KCNAB1: variants seen among roughly 807,000 people sequenced by gnomAD.
KCNAB1 encodes the protein voltage-gated potassium channel subunit beta-1.
In KCNAB1, 35 loss-of-function variants were observed where a neutral mutation model predicts 64.6. The observed-to-expected ratio is 0.54, with a 90% CI of 0.41 to 0.72. The LOEUF (loss-of-function observed/expected upper bound fraction) is 0.72. KCNAB1 is among the 30% of genes least tolerant of loss of function. The pLI is 0.00. For synonymous variants in KCNAB1, 177 were observed against 183.8 expected (o/e 0.96, Z 0.30); for missense variants, 401 against 512.9 (o/e 0.78, Z 2.11).
At chr3:156,531,590 T>A in intron 13 of KCNAB1, 93 bp downstream of exon 13, 1 of 949,850 alleles carries the variant, frequency 1.1e-6, no homozygotes, top group Non-Finnish European at 1.7e-6. Context: ...CTCTCTGTCC[T>A]GGGTGGGGCA....
intron 1 of KCNAB1, among the ~76,000 whole-genome samples, chr3:156,349,631 G>A (rs986242341): frequency 6.6e-6 from 1 of 152,042 alleles, no homozygotes; most frequent in African/African-American, 2.4e-5. Flanking sequence ...GCACCATCAC[G>A]CCTCACTACA....
In KCNAB1 at chr3:156,120,637, C is replaced by CG. The variant is rs766529751; in HGVS notation, c.30dup (p.Ser11GlufsTer33). On this transcript the variant is annotated frameshift_variant, in exon 1 of 14. Coordinates refer to ENST00000490337, the MANE Select transcript of KCNAB1 (RefSeq NM_172160.3). LOFTEE classifies it high-confidence loss of function. ...ATGCTGGCAGCCCGGACAGGGGCAG[C>CG]GGGGAGTCAGATCTCAGAGGAGAAC... 7.8e-5 allele frequency: 126 copies of CG among 1,614,046 alleles called. No individual in the cohort carries two copies. Among genetic ancestry groups the CG allele is most frequent in the Admixed American group, 3.5e-4 (21 of 60,006 alleles).
chr3:156,204,120 T>C (rs2108382954), intron 1 of KCNAB1, among the ~76,000 whole-genome samples: 1 of 152,378 alleles, frequency 6.6e-6, no homozygotes, highest in Middle Eastern at 3.4e-3. Context: ...CTATTGTTTA[T>C]TTAAGCTGTA....
At chr3:156,515,942 G>A (rs74392809) in intron 10 of KCNAB1, among the ~76,000 whole-genome samples, 11,419 of 152,268 alleles carry the variant, frequency 0.075, 543 homozygotes, top group Middle Eastern at 0.19. Flanking sequence ...TGTACCAGGT[G>A]TGTGCTCCTG....
chr3:156,325,612 A>C (rs1460643731), intron 1 of KCNAB1, among the ~76,000 whole-genome samples: 4 of 151,620 alleles, frequency 2.6e-5, no homozygotes, highest in Non-Finnish European at 5.9e-5. Flanking sequence ...AAAGAATGTA[A>C]GCGTTCAGCA....
At chr3:156,451,108 T>C (rs985814559) in intron 2 of KCNAB1, among the ~76,000 whole-genome samples, 15 of 152,194 alleles carry the variant, frequency 9.9e-5, no homozygotes, top group African/African-American at 3.6e-4. Context: ...GGACATCAGC[T>C]CTTTGCTGTC....
At chr3:156,454,327 T>C (rs976292779) in intron 3 of KCNAB1, among the ~76,000 whole-genome samples, 1 of 152,122 alleles carries the variant, frequency 6.6e-6, no homozygotes, top group Non-Finnish European at 1.5e-5. Flanking sequence ...TCTCCAAAGC[T>C]GAGATGGTTC....
chr3:156,199,160 A>G (rs1399430516), intron 1 of KCNAB1, among the ~76,000 whole-genome samples: 1 of 151,902 alleles, frequency 6.6e-6, no homozygotes, highest in Non-Finnish European at 1.5e-5. Flanking sequence ...CTCTCTTCTG[A>G]GTTGTAGAGC....
At chr3:156,150,960 G>T (rs558796565) in intron 1 of KCNAB1, among the ~76,000 whole-genome samples, 1 of 152,244 alleles carries the variant, frequency 6.6e-6, no homozygotes, top group Non-Finnish European at 1.5e-5. Context: ...AGCGTAGGGG[G>T]TTCTGAGCTA....
At chr3:156,125,385 C>T (rs534226869) in intron 1 of KCNAB1, among the ~76,000 whole-genome samples, 18 of 152,254 alleles carry the variant, frequency 1.2e-4, no homozygotes, top group Non-Finnish European at 2.4e-4. Flanking sequence ...TTATAAGAGA[C>T]CTTTGTGTGT....
chr3:156,291,527 C>T, intron 1 of KCNAB1: 1 of 1,091,610 alleles, frequency 9.2e-7, no homozygotes, highest in Non-Finnish European at 1.1e-6. Context: ...CCGCGAAGGG[C>T]TGCGTGCAGT....
chr3:156,305,425 C>T (rs1721432369), intron 1 of KCNAB1, among the ~76,000 whole-genome samples: 1 of 152,180 alleles, frequency 6.6e-6, no homozygotes, highest in Admixed American at 6.5e-5. Context: ...TCATAAGCTT[C>T]AAAGTCTTCT....
chr3:156,440,413 G>A (rs1465780917), intron 2 of KCNAB1, among the ~76,000 whole-genome samples: 1 of 152,210 alleles, frequency 6.6e-6, no homozygotes, highest in East Asian at 1.9e-4. Context: ...ATGGAAACTT[G>A]TCTTCAGGCC....
chr3:156,530,668 A>T (rs760332885), intron 12 of KCNAB1, among the ~76,000 whole-genome samples: 3 of 152,128 alleles, frequency 2.0e-5, no homozygotes, highest in Non-Finnish European at 4.4e-5. Context: ...GAAGCAGAAG[A>T]AGTGAGGGGT....
intron 1 of KCNAB1, among the ~76,000 whole-genome samples, chr3:156,330,194 A>T (rs936662408): frequency 2.6e-5 from 4 of 152,178 alleles, no homozygotes; most frequent in African/African-American, 9.7e-5. Context: ...TCTATGGCTT[A>T]TGATCAAATC....
chr3:156,248,037 C>T (rs1717571535), intron 1 of KCNAB1, among the ~76,000 whole-genome samples: 1 of 152,178 alleles, frequency 6.6e-6, no homozygotes, highest in African/African-American at 2.4e-5. Flanking sequence ...ATGGCCATTT[C>T]TCCAGTTCTT....
intron 1 of KCNAB1, among the ~76,000 whole-genome samples, chr3:156,251,200 C>T (rs1717812029): frequency 6.6e-6 from 1 of 152,162 alleles, no homozygotes; most frequent in African/African-American, 2.4e-5. Context: ...ATTAAGTAGG[C>T]TTGTGTGAGA....
intron 1 of KCNAB1, among the ~76,000 whole-genome samples, chr3:156,360,280 A>G (rs1036575699): frequency 1.3e-5 from 2 of 152,158 alleles, no homozygotes; most frequent in African/African-American, 4.8e-5. Flanking sequence ...TATCATCTCT[A>G]CGTGGATCTC....
chr3:156,185,687 G>A (rs1286356684), intron 1 of KCNAB1, among the ~76,000 whole-genome samples: 1 of 152,122 alleles, frequency 6.6e-6, no homozygotes, highest in East Asian at 1.9e-4. Context: ...AGTGTAACAA[G>A]GTTTGTACAG....
Sources: allele counts gnomAD v4.1 joint callset (sites outside exome capture counted in the v4.1 genomes callset), GRCh38; gene constraint gnomAD v4.1.1; transcripts MANE v1.5; gene names NCBI Gene and HGNC (gene_info 2026-07-23, HGNC 2026-07-21).